TRIP10: variants seen among roughly 807,000 people sequenced by gnomAD.
TRIP10 encodes cdc42-interacting protein 4.
In TRIP10, 54 loss-of-function variants were observed where a neutral mutation model predicts 80.9. The observed-to-expected ratio is 0.67, with a 90% CI of 0.54 to 0.84. The LOEUF is 0.84. Ranked by LOEUF, TRIP10 falls within the 40% of genes least tolerant of loss-of-function variation. The pLI, the probability that TRIP10 is intolerant of heterozygous loss-of-function variation, is 0.00. For synonymous variants in TRIP10, 321 were observed against 307.2 expected, an observed-to-expected ratio of 1.04 and a Z score of -0.47; for missense variants, 773 against 815.3, an observed-to-expected ratio of 0.95 and a Z score of 0.63.
chr19:6,745,404 C>T lies in TRIP10; in HGVS notation c.984+410C>T, dbSNP rs1444472381. ...TTGGATTTTAATATACCTTAGCACCCTTGGTTTATACCTTTGATTTATACT... is the reference window on the plus strand; with the variant it reads ...TTGGATTTTAATATACCTTAGCACCTTTGGTTTATACCTTTGATTTATACT... On this transcript the variant is annotated intron_variant, in intron 9 of 14. Coordinates refer to ENST00000313244, the MANE Select transcript of TRIP10 (RefSeq NM_001288962.2). The surrounding 1 kb of genome is among the most constrained non-coding windows in gnomAD (Gnocchi z 7.2). Among the ~76,000 whole-genome samples, 1 of 152,092 alleles carries T rather than the reference C, an allele frequency of 6.6e-6. No homozygotes were observed. The highest frequency in any genetic ancestry group is 1.5e-5 in the Non-Finnish European group (1 of 68,026).
chr19:6,745,450 ACT>A lies in TRIP10; in HGVS notation c.984+460_984+461del. Reference sequence around the variant, plus strand: ...ATACTTTGGGTCCCTCTTCACTTACACTCTCATACCTCTCCTTGACTTAACAC... The same window carrying A: ...ATACTTTGGGTCCCTCTTCACTTACACTCATACCTCTCCTTGACTTAACAC... On this transcript the variant is annotated intron_variant, in intron 9 of 14. Coordinates refer to ENST00000313244, the MANE Select transcript of TRIP10 (RefSeq NM_001288962.2). This position sits in a 1 kb window ranked among gnomAD's most constrained non-coding sequence, Gnocchi z 7.2. Among the ~76,000 whole-genome samples, 1 of 151,046 alleles carries A rather than the reference ACT, an allele frequency of 6.6e-6. No homozygotes were observed. The highest frequency in any genetic ancestry group is 2.1e-4 in the South Asian group (1 of 4,768).
rs1481968245 is a variant in TRIP10 at position 6,743,801 on chromosome 19, C to G, written c.607C>G (p.His203Asp). The G allele has an allele frequency of 6.2e-7, 1 of 1,613,958 alleles. No individual in the cohort carries two copies. The highest frequency in any genetic ancestry group is 1.3e-5 in the African/African-American group (1 of 74,852). The change falls in exon 7 of 15, where the codon CAC (histidine) becomes GAC (aspartate). Residue 203 changes from histidine (H) to aspartate (D), a missense_variant. Coordinates refer to ENST00000313244, the MANE Select transcript of TRIP10 (RefSeq NM_001288962.2). ...GCAGCGCTTCAACCGAGACCAAGCC[C>G]ACTTCTATTTTTCACAGATGCCCCA... ...QLQRFNRDQA[H>D]FYFSQMPQIF... is the part of the protein sequence containing the mutation.
At chr19:6,741,903 C>T (rs1330702290) in intron 3 of TRIP10, among the ~76,000 whole-genome samples, 11 of 151,876 alleles carry the variant, frequency 7.2e-5, no homozygotes, top group Non-Finnish European at 4.4e-5. Context: ...CTGCAACTTC[C>T]GCCTCCCAGG....
chr19:6,751,345 C>T lies in TRIP10; in HGVS notation c.*134C>T. 1 of 1,497,556 alleles carries T rather than the reference C, an allele frequency of 6.7e-7. No individual in the cohort carries two copies. Among genetic ancestry groups the T allele is most frequent in the South Asian group, 1.3e-5 (1 of 75,128 alleles). 92.8% of individuals were successfully genotyped at this position (1,497,556 alleles called of 1,614,324 possible). A position where few individuals can be genotyped will look rare whatever the true frequency, so the allele number is the denominator to read the frequency against. ...TGTGTAACCTGCTGCCCCCTCCACC[C>T]CCAACCCAGTCCTACCTGTCACACC... On this transcript the variant is annotated 3_prime_UTR_variant, in exon 15 of 15. Coordinates refer to ENST00000313244, the MANE Select transcript of TRIP10 (RefSeq NM_001288962.2).
intron 5 of TRIP10, 81 bp downstream of exon 5, chr19:6,743,337 C>A: frequency 2.5e-6 from 4 of 1,576,350 alleles, no homozygotes; most frequent in Non-Finnish European, 3.5e-6. Flanking sequence ...GAGCTGCCCT[C>A]TTTGTCAGAC....
intron 1 of TRIP10, chr19:6,740,788 G>T (rs940323656): frequency 1.5e-5 from 8 of 547,020 alleles, no homozygotes; most frequent in Non-Finnish European, 2.3e-5. Context: ...GGCCGGGGTG[G>T]CTGGGGCCTG....
chr19:6,744,646 A>G lies in TRIP10; in HGVS notation c.735A>G (p.Ile245Met). ...CCGAGCTGGAGGTGGTGCCCATAAT[A>G]GCCAAGTGCTTGGAGGGCATGAAGG... ...SEAELEVVPI[I>M]AKCLEGMKVA... The change falls in exon 8 of 15, where the codon ATA becomes ATG. Residue 245 changes from isoleucine (I) to methionine (M), a missense_variant. Physicochemically the swap from Ile to Met is conservative, Grantham distance 10. Coordinates refer to ENST00000313244, the MANE Select transcript of TRIP10 (RefSeq NM_001288962.2). This position sits in a 1 kb window ranked among gnomAD's most constrained non-coding sequence, Gnocchi z 4.9. 1 of 1,613,300 alleles carries G rather than the reference A, an allele frequency of 6.2e-7. No homozygotes were observed. Among genetic ancestry groups the G allele is most frequent in the Non-Finnish European group, 8.5e-7 (1 of 1,179,654 alleles).
Position 6,746,114 on chromosome 19 carries a change from A to AT in TRIP10, c.1070_1071insT (p.Ala360GlyfsTer8), listed in dbSNP as rs1384003762. 5.9e-6 allele frequency: 9 copies of AT among 1,521,002 alleles called. No homozygotes were observed. The highest frequency in any genetic ancestry group is 8.0e-6 in the Non-Finnish European group (9 of 1,131,868). The allele number at this position is 1,521,002 out of a possible 1,614,324, so 94.2% of individuals were successfully genotyped here. On this transcript the variant is annotated frameshift_variant, in exon 10 of 15. Coordinates refer to ENST00000313244, the MANE Select transcript of TRIP10 (RefSeq NM_001288962.2). LOFTEE classifies it high-confidence loss of function. The surrounding 1 kb of genome is among the most constrained non-coding windows in gnomAD (Gnocchi z 6.2). ...CCCCCGTCCCCCCGCTCCGGCCGTGACCCCTTGGCCATACTGAGCGAGATC... is the reference window on the plus strand; with the variant it reads ...CCCCCGTCCCCCCGCTCCGGCCGTGATCCCCTTGGCCATACTGAGCGAGATC...
Position 6,749,956 on chromosome 19 carries a change from G to A in TRIP10, c.1285G>A (p.Asp429Asn), listed in dbSNP as rs758518309. Residue 429 changes from aspartate (D) to asparagine (N), a missense_variant, in exon 12 of 15, where the codon GAT (aspartate) becomes AAT (asparagine). By Grantham distance (23) the Asp-to-Asn change is conservative. Coordinates refer to ENST00000313244, the MANE Select transcript of TRIP10 (RefSeq NM_001288962.2). ...TAGGGAAGCCCTAAAGAAAATGAAG[G>A]ATGTCTATGAGAAGACACCTCAGAT... is the stretch of plus-strand genomic sequence containing the variant. Reference protein sequence around the residue: ...DQREALKKMKDVYEKTPQMGD... With the variant: ...DQREALKKMKNVYEKTPQMGD... The A allele has an allele frequency of 5.0e-6, 8 of 1,614,044 alleles. No homozygotes were observed. Among genetic ancestry groups the A allele is most frequent in the Non-Finnish European group, 5.9e-6 (7 of 1,179,984 alleles).
intron 11 of TRIP10, among the ~76,000 whole-genome samples, chr19:6,747,088 T>C (rs1568254502): frequency 1.3e-5 from 2 of 152,034 alleles, no homozygotes; most frequent in East Asian, 1.9e-4. Context: ...TTTTGGGAGG[T>C]TGAGGCAGGA....
In TRIP10 at chr19:6,746,608, A is replaced by G. The variant is rs1249472087; in HGVS notation, c.1262+47A>G. 4 of 1,382,420 alleles carry G rather than the reference A, an allele frequency of 2.9e-6. No individual in the cohort carries two copies. The highest frequency in any genetic ancestry group is 3.1e-6 in the Non-Finnish European group (3 of 980,304). 85.6% of individuals were successfully genotyped at this position (1,382,420 alleles called of 1,614,324 possible). A position where few individuals can be genotyped will look rare whatever the true frequency, so the allele number is the denominator to read the frequency against. On this transcript the variant is annotated intron_variant, in intron 11 of 14. Coordinates refer to ENST00000313244, the MANE Select transcript of TRIP10 (RefSeq NM_001288962.2). The surrounding 1 kb of genome is among the most constrained non-coding windows in gnomAD (Gnocchi z 6.2). ...GGACAGGCAAGGAACATGATAAAAT[A>G]GTAAATGAACTTCACTTATTTGTTT...
chr19:6,743,209 CGG>C lies in TRIP10; in HGVS notation c.362_363del (p.Arg121ProfsTer11). On this transcript the variant is annotated frameshift_variant, in exon 5 of 15. Coordinates refer to ENST00000313244, the MANE Select transcript of TRIP10 (RefSeq NM_001288962.2). LOFTEE classifies it high-confidence loss of function. ...CTTTCTGTAGCACTTCCAAGAAGGGCGGCGGGCCCAGCAGCAGCTGGAAAATG... is the reference window on the plus strand; with the variant it reads ...CTTTCTGTAGCACTTCCAAGAAGGGCCGGGCCCAGCAGCAGCTGGAAAATG... Reference protein sequence around the residue: ...QERKMHFQEGRRAQQQLENGF... With the variant: ...QERKMHFQEGXRAQQQLENGF... 1 of 1,614,130 alleles carries C rather than the reference CGG, an allele frequency of 6.2e-7. No individual in the cohort carries two copies. The highest frequency in any genetic ancestry group is 1.3e-5 in the African/African-American group (1 of 75,048).
In TRIP10 at chr19:6,751,053, C is replaced by T. The variant is rs768279566; in HGVS notation, c.1658-10C>T. 6.5e-7 allele frequency: 1 copy of T among 1,527,312 alleles called. No homozygotes were observed. The highest frequency in any genetic ancestry group is 8.8e-7 in the Non-Finnish European group (1 of 1,136,148). The allele number at this position is 1,527,312 out of a possible 1,614,324, so 94.6% of individuals were successfully genotyped here. A position where few individuals can be genotyped will look rare whatever the true frequency, so the allele number is the denominator to read the frequency against. On this transcript the variant is annotated splice_polypyrimidine_tract_variant and intron_variant, in intron 14 of 14. Coordinates refer to ENST00000313244, the MANE Select transcript of TRIP10 (RefSeq NM_001288962.2). The stretch of plus-strand genomic sequence containing the variant: ...AAGCAGATCTGGGCCCACCCCCACC[C>T]CCATCACAGGGTCCAGCGAGGGCAC...
rs1312292184 is a variant in TRIP10, at chr19:6,751,397, T to A, written c.*186T>A. 26 of 1,335,446 alleles carry A rather than the reference T, an allele frequency of 1.9e-5. No individual in the cohort carries two copies. Among genetic ancestry groups the A allele is most frequent in the Non-Finnish European group, 2.4e-5 (25 of 1,027,482 alleles). The allele number at this position is 1,335,446 out of a possible 1,614,324, so 82.7% of individuals were successfully genotyped here. A position where few individuals can be genotyped will look rare whatever the true frequency, so the allele number is the denominator to read the frequency against. On this transcript the variant is annotated 3_prime_UTR_variant, in exon 15 of 15. Transcript: ENST00000313244. Reference sequence around the variant, plus strand: ...GACGGACCCGCTGTGCCTTCTACCATCGTTCCACCATTGATGTACATACTC... The same window carrying A: ...GACGGACCCGCTGTGCCTTCTACCAACGTTCCACCATTGATGTACATACTC...
chr19:6,745,700 T>G lies in TRIP10; in HGVS notation c.985-329T>G, dbSNP rs1969098333. The stretch of plus-strand genomic sequence containing the variant: ...CCTCCCTGCCTCCTGGACCCATGCT[T>G]GCTCCCGGACATAACATTCCAGAGA... On this transcript the variant is annotated intron_variant, in intron 9 of 14. Coordinates refer to ENST00000313244, the MANE Select transcript of TRIP10 (RefSeq NM_001288962.2). This position sits in a 1 kb window ranked among gnomAD's most constrained non-coding sequence, Gnocchi z 7.2. 2.0e-6 allele frequency: 2 copies of G among 985,182 alleles called. No homozygotes were observed. The highest frequency in any genetic ancestry group is 3.5e-5 in the African/African-American group (2 of 57,166). The allele number at this position is 985,182 out of a possible 1,614,324, so 61.0% of individuals were successfully genotyped here. A position where few individuals can be genotyped will look rare whatever the true frequency, so the allele number is the denominator to read the frequency against.
Position 6,739,751 on chromosome 19 carries a change from G to T in TRIP10, c.-11G>T. 1.4e-6 allele frequency: 2 copies of T among 1,402,612 alleles called. No individual in the cohort carries two copies. Among genetic ancestry groups the T allele is most frequent in the Non-Finnish European group, 1.9e-6 (2 of 1,071,396 alleles). The allele number at this position is 1,402,612 out of a possible 1,614,324, so 86.9% of individuals were successfully genotyped here. ...TGCGGTGGTGGCTGCGGCGGCGGCG[G>T]CGGGAGCAGCATGGATTGGGGCACT... On this transcript the variant is annotated 5_prime_UTR_variant, in exon 1 of 15. Transcript: ENST00000313244.
chr19:6,751,144 G>A lies in TRIP10; in HGVS notation c.1739G>A (p.Arg580Gln), dbSNP rs549366842. ...MEEDKGDGWTRVRRKEGGEGY... is the reference protein window; with the variant it reads ...MEEDKGDGWTQVRRKEGGEGY... The stretch of plus-strand genomic sequence containing the variant: ...GAAGACAAAGGGGACGGCTGGACCC[G>A]GGTCAGGCGGAAAGAGGGAGGCGAG... Residue 580 changes from arginine to glutamine, a missense_variant, in exon 15 of 15, where the codon CGG becomes CAG. Transcript: ENST00000313244. The A allele has an allele frequency of 2.2e-5, 36 of 1,605,530 alleles. No homozygotes were observed. Among genetic ancestry groups the A allele is most frequent in the Non-Finnish European group, 3.1e-5 (36 of 1,175,182 alleles).
intron 1 of TRIP10, chr19:6,740,698 G>A (rs1184190448): frequency 3.3e-6 from 1 of 306,600 alleles, no homozygotes; most frequent in African/African-American, 2.2e-5. Flanking sequence ...GGGGGGATTA[G>A]GGGAGCCCGA....
intron 14 of TRIP10, 89 bp downstream of exon 14, chr19:6,750,722 C>T (rs554769415): frequency 2.3e-5 from 36 of 1,551,790 alleles, no homozygotes; most frequent in Admixed American, 9.4e-5. Context: ...CAGGGCTGGG[C>T]GGGTGGCTCA....
Sources: allele counts gnomAD v4.1 joint callset (sites outside exome capture counted in the v4.1 genomes callset), GRCh38; gene constraint gnomAD v4.1.1; non-coding constraint Gnocchi (gnomAD v3.1); transcripts MANE v1.5; gene names NCBI Gene and HGNC (gene_info 2026-07-23, HGNC 2026-07-21).